Variants in LRP1B observed in about 807,000 individuals in gnomAD.
LRP1B encodes low-density lipoprotein receptor-related protein 1B.
A neutral mutation model predicts 556.6 loss-of-function variants in LRP1B; 217 were observed. That is an observed-to-expected ratio of 0.39 (90% confidence interval 0.35 to 0.44). LRP1B has a LOEUF of 0.44. LRP1B is among the 20% of genes least tolerant of loss of function. The pLI is 1.00. For missense variants in LRP1B, 5,053 were observed against 5,620.8 expected (o/e 0.90, Z 3.23); for synonymous variants, 2,047 against 1,865.8 (o/e 1.10, Z -2.50).
chr2:142,066,716 GCTCTT>G (rs1191569246), intron 1 of LRP1B, among the ~76,000 whole-genome samples: 3 of 151,292 alleles, frequency 2.0e-5, no homozygotes, highest in Non-Finnish European at 4.4e-5. Flanking sequence ...TTTTTATCAT[GCTCTT>G]CAAAAGTTTT....
chr2:141,257,561 T>C (rs1022502984), intron 3 of LRP1B, among the ~76,000 whole-genome samples: 3 of 152,134 alleles, frequency 2.0e-5, no homozygotes, highest in Admixed American at 2.0e-4. Flanking sequence ...CGGGAAAAAT[T>C]AATCTGAAAG....
chr2:140,717,398 T>C (rs1158962780), intron 35 of LRP1B, among the ~76,000 whole-genome samples: 1 of 152,096 alleles, frequency 6.6e-6, no homozygotes, highest in Non-Finnish European at 1.5e-5. Context: ...GTTTCTTAAA[T>C]GTCAACTACA....
At chr2:141,328,193 A>G (rs369113534) in intron 3 of LRP1B, among the ~76,000 whole-genome samples, 4 of 152,196 alleles carry the variant, frequency 2.6e-5, no homozygotes, top group African/African-American at 7.2e-5. Context: ...ATTCACATAC[A>G]TAGACAGCCA....
At chr2:141,459,076 A>G (rs1341908442) in intron 3 of LRP1B, among the ~76,000 whole-genome samples, 1 of 141,334 alleles carries the variant, frequency 7.1e-6, no homozygotes, top group East Asian at 2.1e-4. Flanking sequence ...AAATTGAGCT[A>G]AAGTTAGACT....
intron 2 of LRP1B, among the ~76,000 whole-genome samples, chr2:141,517,029 A>AAAAAAAAAAAAAAAAAAAAAAAAAAAC (rs772472942): frequency 3.3e-5 from 3 of 90,192 alleles, no homozygotes; most frequent in Non-Finnish European, 4.3e-5. Context: ...AAAAAAAAAA[A>AAAAAAAAAAAAAAAAAAAAAAAAAAAC]AAAGTAAATC....
intron 20 of LRP1B, among the ~76,000 whole-genome samples, chr2:140,946,066 G>T (rs1473026207): frequency 6.6e-6 from 1 of 152,018 alleles, no homozygotes; most frequent in East Asian, 1.9e-4. Flanking sequence ...ACACTTCTCA[G>T]AAAGAAGACA....
chr2:141,035,186 C>T (rs1316506726), intron 11 of LRP1B, among the ~76,000 whole-genome samples: 1 of 150,722 alleles, frequency 6.6e-6, no homozygotes, highest in East Asian at 2.0e-4. Flanking sequence ...AGGGGAACAT[C>T]ACACTCTGGT....
chr2:141,205,301 G>GA (rs1682224513), intron 6 of LRP1B, among the ~76,000 whole-genome samples: 2 of 152,014 alleles, frequency 1.3e-5, no homozygotes. Context: ...ATTCGAGAGG[G>GA]AAAAAATTGA....
At chr2:140,571,361 C>T (rs1386560432) in intron 43 of LRP1B, among the ~76,000 whole-genome samples, 3 of 151,626 alleles carry the variant, frequency 2.0e-5, no homozygotes, top group East Asian at 1.9e-4. Flanking sequence ...TTTCTATACA[C>T]CAACAACAAG....
intron 6 of LRP1B, among the ~76,000 whole-genome samples, chr2:141,207,729 G>A (rs577798132): frequency 1.3e-5 from 2 of 152,152 alleles, no homozygotes; most frequent in Admixed American, 6.5e-5. Flanking sequence ...AGACTGGAGC[G>A]CAATGGTGCA....
intron 43 of LRP1B, among the ~76,000 whole-genome samples, chr2:140,589,061 C>T (rs914361098): frequency 2.7e-5 from 4 of 150,754 alleles, no homozygotes; most frequent in Non-Finnish European, 5.9e-5. Flanking sequence ...AAATGAATTA[C>T]GAATGTAAAT....
chr2:140,329,418 T>G (rs531123872), intron 79 of LRP1B, among the ~76,000 whole-genome samples: 20 of 152,032 alleles, frequency 1.3e-4, no homozygotes, highest in Admixed American at 7.9e-4. Context: ...GAGAAAGAAA[T>G]AAAGTGTATT....
chr2:141,810,113 AAAAGAAAGAAAGAAAGAAAG>A (rs67681645), intron 2 of LRP1B, among the ~76,000 whole-genome samples, 146 bp downstream of exon 2: 26 of 77,928 alleles, frequency 3.3e-4, no homozygotes, highest in South Asian at 2.9e-3. Flanking sequence ...GAAAGAAAGA[AAAAGAAAGAAAGAAAGAAAG>A]AAAGAAAGAA....
chr2:141,955,279 C>T (rs1317353440), intron 1 of LRP1B, among the ~76,000 whole-genome samples: 1 of 152,026 alleles, frequency 6.6e-6, no homozygotes, highest in Non-Finnish European at 1.5e-5. Context: ...TTTCTTTATC[C>T]TTTTACTAAG....
intron 35 of LRP1B, among the ~76,000 whole-genome samples, chr2:140,748,607 ATATATATATATATATATATTCG>A (rs1472806002): frequency 5.1e-4 from 56 of 109,674 alleles, no homozygotes; most frequent in African/African-American, 2.2e-3. Flanking sequence ...ATATATATAT[ATATATATATATATATATATTCG>A]TATATATATT....
chr2:141,615,104 G>A (rs1688246606), intron 2 of LRP1B, among the ~76,000 whole-genome samples: 1 of 152,196 alleles, frequency 6.6e-6, no homozygotes, highest in East Asian at 1.9e-4. Flanking sequence ...TTGGAAACTG[G>A]AGGATAGGCC....
At chr2:140,882,399 G>C (rs1486926947) in intron 25 of LRP1B, among the ~76,000 whole-genome samples, 2 of 152,078 alleles carry the variant, frequency 1.3e-5, no homozygotes, top group Admixed American at 6.6e-5. Flanking sequence ...TAGGTAAAAC[G>C]TAGACTACAT....
At chr2:140,610,497 G>A (rs1334754278) in intron 41 of LRP1B, among the ~76,000 whole-genome samples, 3 of 152,168 alleles carry the variant, frequency 2.0e-5, no homozygotes, top group Non-Finnish European at 4.4e-5. Context: ...ACAAACTCTG[G>A]TTTCAGCTAA....
chr2:140,929,116 T>C (rs994497017), intron 20 of LRP1B, among the ~76,000 whole-genome samples: 8 of 152,018 alleles, frequency 5.3e-5, no homozygotes, highest in Non-Finnish European at 1.2e-4. Flanking sequence ...TGAGTAGAAG[T>C]AGAAAAAACA....
Sources: gnomAD v4.1 joint callset for allele counts (sites outside exome capture counted in the v4.1 genomes callset) on GRCh38, gnomAD v4.1.1 for gene constraint, MANE v1.5 for transcripts, NCBI Gene and HGNC (gene_info 2026-07-23, HGNC 2026-07-21) for gene names.